TANC1: variants seen among roughly 807,000 people sequenced by gnomAD.
The protein encoded by TANC1 is tetratricopeptide repeat, ankyrin repeat and coiled-coil containing 1, also known as protein TANC1.
In TANC1, 77 loss-of-function variants were observed where a neutral mutation model predicts 149.7. The observed-to-expected ratio is 0.51, with a 90% CI of 0.43 to 0.62. The LOEUF is 0.62. Ranked by LOEUF, TANC1 falls within the 20% of genes least tolerant of loss-of-function variation. TANC1 has a pLI of 0.00. For synonymous variants in TANC1, 854 were observed against 925.0 expected (o/e 0.92, Z 1.39); for missense variants, 1,985 against 2,321.8 (o/e 0.85, Z 2.98).
intron 2 of TANC1, chr2:159,055,934 A>T (rs264662): frequency 0.22 from 40,936 of 183,322 alleles, 5,050 homozygotes; most frequent in South Asian, 0.44. Flanking sequence ...AACAAAAAAG[A>T]GTGGAGGCCC....
At chr2:159,064,483 T>C (rs1034655801) in intron 2 of TANC1, among the ~76,000 whole-genome samples, 1 of 152,228 alleles carries the variant, frequency 6.6e-6, no homozygotes, top group African/African-American at 2.4e-5. Flanking sequence ...CCCAAAGCTT[T>C]CATTGATCTG....
At chr2:159,077,254 A>G (rs1037391166) in intron 3 of TANC1, among the ~76,000 whole-genome samples, 1 of 152,196 alleles carries the variant, frequency 6.6e-6, no homozygotes, top group Non-Finnish European at 1.5e-5. Flanking sequence ...GTGGGGTCTC[A>G]GTATTTTAAA....
At chr2:159,199,375 A>G (rs966525021) in intron 19 of TANC1, among the ~76,000 whole-genome samples, 22 of 152,336 alleles carry the variant, frequency 1.4e-4, no homozygotes, top group Admixed American at 1.4e-3. Flanking sequence ...CATCTAACCA[A>G]TGTGATCTTC....
At chr2:159,107,865 C>G (rs985852964) in intron 4 of TANC1, among the ~76,000 whole-genome samples, 4 of 152,182 alleles carry the variant, frequency 2.6e-5, no homozygotes, top group African/African-American at 9.6e-5. Flanking sequence ...TCTGCATAAC[C>G]CTTTATTTCG....
chr2:158,998,543 C>T (rs760118250), intron 1 of TANC1, among the ~76,000 whole-genome samples: 8 of 152,118 alleles, frequency 5.3e-5, no homozygotes, highest in Non-Finnish European at 7.3e-5. Context: ...TGTTGAGCCT[C>T]GAGGCGTGTG....
chr2:159,196,508 G>C, intron 17 of TANC1, 100 bp from the exon 18 acceptor site: 1 of 964,342 alleles, frequency 1.0e-6, no homozygotes, highest in Admixed American at 2.7e-5. Context: ...CCCCATGTAC[G>C]CTTACAGGGA....
intron 2 of TANC1, among the ~76,000 whole-genome samples, chr2:159,036,219 A>G (rs2040182414): frequency 6.6e-6 from 1 of 152,110 alleles, no homozygotes; most frequent in South Asian, 2.1e-4. Context: ...ACGACTGTTC[A>G]CCAGGTGGTG....
chr2:158,984,438 T>C (rs1291267911), intron 1 of TANC1, among the ~76,000 whole-genome samples: 1 of 152,230 alleles, frequency 6.6e-6, no homozygotes, highest in Admixed American at 6.5e-5. Flanking sequence ...TAGAATTTCC[T>C]TATGAGTTTT....
intron 2 of TANC1, among the ~76,000 whole-genome samples, chr2:159,025,189 T>TTTTTCTTTCTTTC (rs1491417289): frequency 2.8e-5 from 3 of 105,286 alleles, no homozygotes; most frequent in African/African-American, 1.1e-4. Flanking sequence ...TTTTTCTTTC[T>TTTTTCTTTCTTTC]TTTCTTTCTT....
At chr2:159,098,417 A>G (rs1322168184) in intron 4 of TANC1, among the ~76,000 whole-genome samples, 1 of 152,210 alleles carries the variant, frequency 6.6e-6, no homozygotes, top group Non-Finnish European at 1.5e-5. Flanking sequence ...CAATGACAAA[A>G]TCACCTAATG....
chr2:159,108,579 A>G (rs1407220072), intron 4 of TANC1, among the ~76,000 whole-genome samples: 1 of 152,248 alleles, frequency 6.6e-6, no homozygotes, highest in Non-Finnish European at 1.5e-5. Flanking sequence ...GAGCCCATGC[A>G]GGTGATTATA....
chr2:159,022,186 C>A (rs1202406584), intron 2 of TANC1, among the ~76,000 whole-genome samples: 1 of 152,162 alleles, frequency 6.6e-6, no homozygotes, highest in Non-Finnish European at 1.5e-5. Flanking sequence ...GGAGGTGACA[C>A]TACTTATCAG....
intron 19 of TANC1, among the ~76,000 whole-genome samples, chr2:159,208,818 G>A (rs1430405460): frequency 2.0e-5 from 3 of 152,196 alleles, no homozygotes; most frequent in African/African-American, 4.8e-5. Flanking sequence ...TGCATCCTTA[G>A]GCGATTTGGT....
At chr2:159,136,063 T>TGCG in intron 4 of TANC1, 131 bp from the exon 5 acceptor site, 7 of 534,920 alleles carry the variant, frequency 1.3e-5, no homozygotes, top group South Asian at 7.9e-5. Flanking sequence ...CGCGCGCGCG[T>TGCG]TTAAGGGAGG....
intron 22 of TANC1, among the ~76,000 whole-genome samples, chr2:159,220,603 A>C (rs1236205648): frequency 1.3e-5 from 2 of 150,702 alleles, no homozygotes; most frequent in Admixed American, 1.3e-4. Flanking sequence ...CACCTGGCTT[A>C]TTATTAATTT....
intron 4 of TANC1, among the ~76,000 whole-genome samples, chr2:159,110,765 AC>A (rs1359790557): frequency 6.6e-6 from 1 of 152,156 alleles, no homozygotes; most frequent in Non-Finnish European, 1.5e-5. Flanking sequence ...CCCTCGTGTG[AC>A]TTGGTCGCCA....
chr2:159,040,839 G>A (rs1433285006), intron 2 of TANC1, among the ~76,000 whole-genome samples: 1 of 152,136 alleles, frequency 6.6e-6, no homozygotes, highest in Non-Finnish European at 1.5e-5. Context: ...AGGAGAAGAG[G>A]CATTCTGGTT....
At chr2:159,068,506 T>C (rs2042862874) in intron 3 of TANC1, among the ~76,000 whole-genome samples, 2 of 152,212 alleles carry the variant, frequency 1.3e-5, no homozygotes, top group Admixed American at 1.3e-4. Flanking sequence ...ACTACACTTT[T>C]ATGTTAAACC....
intron 5 of TANC1, among the ~76,000 whole-genome samples, chr2:159,143,551 C>CAAAAAAAAAAAAA (rs56992262): frequency 1.5e-5 from 1 of 67,300 alleles, no homozygotes; most frequent in Non-Finnish European, 2.5e-5. Flanking sequence ...GACCCCATCT[C>CAAAAAAAAAAAAA]AAAAAAAAAA....
Sources: allele counts gnomAD v4.1 joint callset (sites outside exome capture counted in the v4.1 genomes callset), GRCh38; gene constraint gnomAD v4.1.1; transcripts MANE v1.5; gene names NCBI Gene and HGNC (gene_info 2026-07-23, HGNC 2026-07-21).